ADGRB3: variants seen among roughly 807,000 people sequenced by gnomAD.
ADGRB3 encodes adhesion G protein-coupled receptor B3, also known as brain-specific angiogenesis inhibitor 3.
Under a neutral mutation model 193.4 loss-of-function variants are expected in ADGRB3, and 37 were observed. That is an observed-to-expected ratio of 0.19 (90% CI 0.15 to 0.25). The LOEUF (loss-of-function observed/expected upper bound fraction) is 0.25. Among genes scored for constraint, ADGRB3 ranks in the 10% least tolerant of loss-of-function variants. The probability of loss-of-function intolerance (pLI) is 1.00; values close to 1 mark genes in which losing one functional copy is unlikely to be tolerated. For synonymous variants in ADGRB3, 690 were observed against 644.2 expected (o/e 1.07, Z -1.08); for missense variants, 1,637 against 1,852.9 (o/e 0.88, Z 2.14).
intron 6 of ADGRB3, among the ~76,000 whole-genome samples, chr6:68,952,885 C>G (rs73747873): frequency 2.0e-5 from 3 of 152,064 alleles, no homozygotes; most frequent in Non-Finnish European, 4.4e-5. Context: ...TATTAACACT[C>G]TTAAGCTTTA....
At chr6:68,883,648 C>G (rs509304) in intron 3 of ADGRB3, among the ~76,000 whole-genome samples, 1 of 151,890 alleles carries the variant, frequency 6.6e-6, no homozygotes, top group South Asian at 2.1e-4. Context: ...CTGTAACACT[C>G]ACCGCAAAGG....
intron 8 of ADGRB3, among the ~76,000 whole-genome samples, chr6:68,971,341 C>T (rs1481839597): frequency 5.3e-5 from 8 of 152,114 alleles, no homozygotes; most frequent in Non-Finnish European, 8.8e-5. Flanking sequence ...GGTTCCAGGA[C>T]CCTGTGTCTA....
chr6:69,058,421 G>A (rs1180860348), intron 15 of ADGRB3, among the ~76,000 whole-genome samples: 6 of 150,940 alleles, frequency 4.0e-5, no homozygotes, highest in Middle Eastern at 3.4e-3. Context: ...TTTTTACATG[G>A]GTTTGCTATT....
chr6:68,838,893 A>G (rs556550029), intron 3 of ADGRB3, among the ~76,000 whole-genome samples: 1 of 152,304 alleles, frequency 6.6e-6, no homozygotes, highest in East Asian at 1.9e-4. Context: ...ATAAACAGAC[A>G]ATTAAAACAA....
At chr6:68,962,073 G>A (rs563610074) in intron 8 of ADGRB3, among the ~76,000 whole-genome samples, 1 of 152,144 alleles carries the variant, frequency 6.6e-6, no homozygotes, top group Non-Finnish European at 1.5e-5. Flanking sequence ...GAGTTTAATG[G>A]TGACAGTAGG....
At chr6:69,371,588 G>C (rs1404896282) in intron 29 of ADGRB3, among the ~76,000 whole-genome samples, 1 of 151,952 alleles carries the variant, frequency 6.6e-6, no homozygotes, top group African/African-American at 2.4e-5. Flanking sequence ...TGTACTAAAA[G>C]TTTGCTAAGA....
At chr6:68,667,868 C>T (rs906875333) in intron 3 of ADGRB3, among the ~76,000 whole-genome samples, 2 of 151,452 alleles carry the variant, frequency 1.3e-5, no homozygotes, top group African/African-American at 4.9e-5. Flanking sequence ...AATAAGAGAC[C>T]ACAGGAGAGA....
intron 17 of ADGRB3, among the ~76,000 whole-genome samples, chr6:69,133,811 A>G (rs901852502): frequency 1.3e-5 from 2 of 151,848 alleles, no homozygotes; most frequent in Admixed American, 1.3e-4. Flanking sequence ...TGTACCCAAT[A>G]TGTGGTCTTT....
Position 68,642,687 on chromosome 6 carries a change from A to G in ADGRB3, c.757+3255A>G, listed in dbSNP as rs896259640. Among the ~76,000 whole-genome samples, 20 of 151,514 alleles carry G rather than the reference A, an allele frequency of 1.3e-4. 1 individual carries two copies. Among genetic ancestry groups the G allele is most frequent in the African/African-American group, 3.6e-4 (15 of 41,282 alleles). On this transcript the variant is annotated intron_variant, in intron 3 of 31. Transcript: ENST00000370598. ...AAACTCAGTTATTTCCCTAATTTTT[A>G]TATGAAATTGTGAAAGCCAACTAAG...
Position 68,834,007 on chromosome 6 carries a change from G to GCTTA in ADGRB3, c.758-96550_758-96547dup, listed in dbSNP as rs761055525. 1.8e-4 allele frequency among the ~76,000 whole-genome samples: 25 copies of GCTTA among 137,118 alleles called. No individual in the cohort carries two copies. In the East Asian group the frequency reaches 4.3e-3, roughly 24 times the overall value. 90.0% of individuals were successfully genotyped at this position (137,118 alleles called of 152,430 possible). ...CAGTGTCCTCAGCACCAAGCACAGTGCTTACATATGTGAGTAATTTATAAA... is the reference window on the plus strand; with the variant it reads ...CAGTGTCCTCAGCACCAAGCACAGTGCTTACTTACATATGTGAGTAATTTATAAA... On this transcript the variant is annotated intron_variant, in intron 3 of 31. Transcript: ENST00000370598.
intron 20 of ADGRB3, among the ~76,000 whole-genome samples, chr6:69,300,403 GAA>G (rs1278241034): frequency 6.6e-6 from 1 of 151,700 alleles, no homozygotes; most frequent in Admixed American, 6.6e-5. Flanking sequence ...CTAAGATCAT[GAA>G]ACAAACAAGT....
At chr6:69,023,999 AAATGAG>A (rs1770348776) in intron 13 of ADGRB3, among the ~76,000 whole-genome samples, 1 of 152,204 alleles carries the variant, frequency 6.6e-6, no homozygotes, top group African/African-American at 2.4e-5. Context: ...GAAAAAAATA[AAATGAG>A]AACTTGGATT....
At chr6:69,176,554 T>G (rs185226209) in intron 17 of ADGRB3, among the ~76,000 whole-genome samples, 51 of 152,270 alleles carry the variant, frequency 3.3e-4, no homozygotes, top group East Asian at 2.5e-3. Context: ...TTGAGAATTT[T>G]TGTGTGTGTG....
At chr6:68,914,353 A>G (rs1285129826) in intron 3 of ADGRB3, among the ~76,000 whole-genome samples, 3 of 152,210 alleles carry the variant, frequency 2.0e-5, no homozygotes, top group Non-Finnish European at 4.4e-5. Flanking sequence ...TCTCGGCAGA[A>G]ACTCTACAAG....
chr6:69,040,310 T>C (rs1036073978), intron 13 of ADGRB3, among the ~76,000 whole-genome samples: 1 of 27,686 alleles, frequency 3.6e-5, no homozygotes, highest in East Asian at 2.5e-3. Context: ...TCTCTGTCTC[T>C]TTCTTTCTTT....
At chr6:68,904,067 G>A (rs1474861642) in intron 3 of ADGRB3, among the ~76,000 whole-genome samples, 3 of 123,570 alleles carry the variant, frequency 2.4e-5, no homozygotes, top group Non-Finnish European at 3.4e-5. Context: ...GGGAAGGAGG[G>A]AAGGAGGGAG....
intron 2 of ADGRB3, among the ~76,000 whole-genome samples, chr6:68,638,298 C>T (rs1350620497): frequency 6.6e-6 from 1 of 152,198 alleles, no homozygotes; most frequent in African/African-American, 2.4e-5. Flanking sequence ...ACTATTTCGA[C>T]AATTAACATT....
chr6:68,821,415 A>G (rs1582229449), intron 3 of ADGRB3, among the ~76,000 whole-genome samples: 1 of 152,078 alleles, frequency 6.6e-6, no homozygotes, highest in Admixed American at 6.6e-5. Context: ...CTCACTTATC[A>G]AACAGAATAA....
Position 69,324,919 on chromosome 6 carries a change from T to C in ADGRB3, c.2862T>C (p.Ala954=). The change falls in exon 21 of 32, where the codon GCT becomes GCC. Residue 954 remains alanine (A), a synonymous_variant. Transcript: ENST00000370598. ...TTAFLHFFFL[A]SFCWVLTEAW... is the part of the protein sequence containing the mutation. ...CATTTTTGCACTTTTTCTTCCTGGCTTCATTCTGTTGGGTTTTGACTGAGG... is the reference window on the plus strand; with the variant it reads ...CATTTTTGCACTTTTTCTTCCTGGCCTCATTCTGTTGGGTTTTGACTGAGG... 1 of 1,613,992 alleles carries C rather than the reference T, an allele frequency of 6.2e-7. No homozygotes were observed. Among genetic ancestry groups the C allele is most frequent in the East Asian group, 2.2e-5 (1 of 44,860 alleles).
Sources: allele counts gnomAD v4.1 joint callset (sites outside exome capture counted in the v4.1 genomes callset), GRCh38; gene constraint gnomAD v4.1.1; transcripts MANE v1.5; gene names NCBI Gene and HGNC (gene_info 2026-07-23, HGNC 2026-07-21).